The following FCN1 variants were observed in gnomAD, a reference collection of about 807,000 sequenced individuals.
FCN1 encodes ficolin 1.
FCN1 carries 42 observed loss-of-function variants against 35.6 expected under a neutral mutation model. The ratio of observed to expected loss-of-function variants is 1.18; its 90% CI spans 0.92 to 1.53. The LOEUF is 1.53. Ranked by LOEUF, FCN1 falls within the 40% of genes most tolerant of loss-of-function variation. The pLI, the probability that FCN1 is intolerant of heterozygous loss-of-function variation, is 0.00. For missense variants in FCN1, 439 were observed against 428.4 expected (o/e 1.02, Z -0.22); for synonymous variants, 179 against 169.8 (o/e 1.05, Z -0.42).
chr9:134,915,145 G>C (rs1831076474), intron 2 of FCN1, among the ~76,000 whole-genome samples: 1 of 152,298 alleles, frequency 6.6e-6, no homozygotes, highest in Middle Eastern at 3.4e-3. Context: ...CCTAGCAAGG[G>C]ACCAGGTTCT....
intron 5 of FCN1, 136 bp from the exon 6 acceptor site, chr9:134,913,279 G>A (rs916206556): frequency 1.0e-4 from 127 of 1,232,980 alleles, no homozygotes; most frequent in Middle Eastern, 4.1e-4. Flanking sequence ...GGCCTGGACA[G>A]GGACACGGCC....
intron 6 of FCN1, 79 bp from the exon 7 acceptor site, chr9:134,912,694 C>G: frequency 6.3e-7 from 1 of 1,590,636 alleles, no homozygotes; most frequent in Admixed American, 1.7e-5. Context: ...TCCAGAGGAG[C>G]AGCATTTGTA....
intron 4 of FCN1, 35 bp downstream of exon 4, chr9:134,914,350 G>T: frequency 6.2e-7 from 1 of 1,604,692 alleles, no homozygotes; most frequent in Non-Finnish European, 8.5e-7. Flanking sequence ...GACAAAGCCT[G>T]CAGAGACAAC....
At chr9:134,917,741 G>C in intron 1 of FCN1, 28 bp downstream of exon 1, 2 of 1,506,494 alleles carry the variant, frequency 1.3e-6, no homozygotes, top group Non-Finnish European at 1.8e-6. Context: ...CCAGCTTTTA[G>C]GGACCAGAAA....
intron 2 of FCN1, among the ~76,000 whole-genome samples, chr9:134,915,186 A>G (rs1036261643): frequency 1.3e-4 from 20 of 152,304 alleles, no homozygotes; most frequent in African/African-American, 4.6e-4. Flanking sequence ...AGAGAGCCTC[A>G]TCCTACCACG....
rs1831095137 is a variant in FCN1, at chr9:134,916,560, C to T, written c.104-99G>A. The T allele has an allele frequency of 7.5e-6, 9 of 1,205,032 alleles. No homozygotes were observed. The South Asian group carries it at 1.1e-4, about 15-fold the overall frequency. The allele number at this position is 1,205,032 out of a possible 1,614,324, so 74.6% of individuals were successfully genotyped here. The stretch of plus-strand genomic sequence containing the variant: ...GGGGCCTTGGTCTGTCCTCACCCCT[C>T]AGGCACTGGTGAGGCGGAGATGTGA... On this transcript the variant is annotated intron_variant, in intron 1 of 8. Coordinates refer to ENST00000371806, the MANE Select transcript of FCN1 (RefSeq NM_002003.5).
At position 134,914,755 on chromosome 9, in the gene FCN1, C is replaced by T; in HGVS notation, c.271+1G>A. On this transcript the variant is annotated splice_donor_variant, in intron 3 of 8. Transcript: ENST00000371806. LOFTEE classifies it high-confidence loss of function. ...CTCCTCGCTGTCTGTCCCCTGGTTACCTTTGGGCCCCACTGGTCCTGCCTT... is the reference window on the plus strand; with the variant it reads ...CTCCTCGCTGTCTGTCCCCTGGTTATCTTTGGGCCCCACTGGTCCTGCCTT... The T allele has an allele frequency of 1.9e-6, 3 of 1,610,962 alleles. No homozygotes were observed. Among genetic ancestry groups the T allele is most frequent in the Non-Finnish European group, 2.5e-6 (3 of 1,178,012 alleles).
At chr9:134,910,220 C>T (rs144001463) in intron 8 of FCN1, among the ~76,000 whole-genome samples, 175 bp from the exon 9 acceptor site, 157 of 152,272 alleles carry the variant, frequency 1.0e-3, no homozygotes, top group African/African-American at 3.6e-3. Flanking sequence ...AGGAGGCAAC[C>T]TCTGGCAACC....
chr9:134,913,983 G>A (rs1284000585), intron 4 of FCN1, among the ~76,000 whole-genome samples: 1 of 152,184 alleles, frequency 6.6e-6, no homozygotes, highest in African/African-American at 2.4e-5. Flanking sequence ...CTGTTTCTTG[G>A]GACTCAGGTA....
At position 134,907,133 on chromosome 9, in the gene FCN1, A is replaced by G. The variant is rs190485818; in HGVS notation, c.*2665T>C. 5.5e-4 allele frequency: 84 copies of G among 152,254 alleles called. No homozygotes were observed. Among genetic ancestry groups the G allele is most frequent in the Middle Eastern group, 3.4e-3 (1 of 292 alleles). The allele number at this position is 152,254 out of a possible 1,614,324, so 9.4% of individuals were successfully genotyped here. A position where few individuals can be genotyped will look rare whatever the true frequency, so the allele number is the denominator to read the frequency against. ...TTATATTTATATTAATCATATTTAT[A>G]TTTTATATTTATACTAATCATTTCT... On this transcript the variant is annotated 3_prime_UTR_variant, in exon 9 of 9. Transcript: ENST00000371806.
In FCN1 at chr9:134,905,459, G is replaced by C. The variant is rs1012539806; in HGVS notation, c.*4339C>G. Among the ~76,000 whole-genome samples, 9 of 152,186 alleles carry C rather than the reference G, an allele frequency of 5.9e-5. No homozygotes were observed. The highest frequency in any genetic ancestry group is 2.2e-4 in the African/African-American group (9 of 41,460). ...TGGGGAGGAATTGGTGATGGGAAAA[G>C]ACTCTTCATCTCTTCATAAGCTTGC... On this transcript the variant is annotated 3_prime_UTR_variant, in exon 9 of 9. Transcript: ENST00000371806.
rs545551854 is a variant in FCN1 at position 134,916,446 on chromosome 9, C to T, written c.119G>A (p.Gly40Asp). The change falls in exon 2 of 9, where the codon GGC (glycine) becomes GAC (aspartate). Residue 40 changes from glycine to aspartate, a missense_variant. Coordinates refer to ENST00000371806, the MANE Select transcript of FCN1 (RefSeq NM_002003.5). ...GGTGAGCTTGTCAGAGCCCTCCAGG[C>T]CCACCACCTTCACCTCTGCAGAGAA... The part of the protein sequence containing the change: ...ADTCPEVKVV[G>D]LEGSDKLTIL... The T allele has an allele frequency of 1.9e-5, 30 of 1,614,126 alleles. No individual in the cohort carries two copies. In the South Asian group the frequency reaches 3.1e-4, roughly 17 times the overall value.
chr9:134,912,678 C>T, intron 6 of FCN1, 63 bp from the exon 7 acceptor site: 1 of 1,608,924 alleles, frequency 6.2e-7, no homozygotes. Flanking sequence ...CACCGGGGAC[C>T]CGCCCTCCAG....
chr9:134,907,272 AG>A lies in FCN1; in HGVS notation c.*2525del, dbSNP rs1355202296. 6.6e-6 allele frequency: 1 copy of A among 152,244 alleles called. No individual in the cohort carries two copies. Among genetic ancestry groups the A allele is most frequent in the Admixed American group, 6.5e-5 (1 of 15,286 alleles). 9.4% of individuals were successfully genotyped at this position (152,244 alleles called of 1,614,324 possible). On this transcript the variant is annotated 3_prime_UTR_variant, in exon 9 of 9. Coordinates refer to ENST00000371806, the MANE Select transcript of FCN1 (RefSeq NM_002003.5). ...CTAGAGATTGTGGCAGGGGCGTAGT[AG>A]GGTCTGGTCAGCCCCCAATGGGCTA...
At chr9:134,911,554 A>C (rs1330540708) in intron 7 of FCN1, among the ~76,000 whole-genome samples, 6 of 149,086 alleles carry the variant, frequency 4.0e-5, no homozygotes, top group Non-Finnish European at 8.9e-5. Flanking sequence ...GGGTTTCACC[A>C]TGTTGGTCAG....
At chr9:134,910,151 G>C (rs1399125362) in intron 8 of FCN1, 106 bp from the exon 9 acceptor site, 5 of 1,073,728 alleles carry the variant, frequency 4.7e-6, no homozygotes, top group Non-Finnish European at 7.1e-6. Context: ...CTTTAGCGAC[G>C]CATGAGCCGA....
In FCN1 at chr9:134,912,511, G is replaced by T. The variant is rs781566954; in HGVS notation, c.573C>A (p.Asp191Glu). The change falls in exon 7 of 9, where the codon GAC (aspartate) becomes GAA (glutamate). Residue 191 changes from aspartate (D) to glutamate (E), a missense_variant. Asp to Glu is a conservative substitution (Grantham distance 45). Coordinates refer to ENST00000371806, the MANE Select transcript of FCN1 (RefSeq NM_002003.5). ...SQLGEFWLGNDNIHALTAQGS... is the reference protein window; with the variant it reads ...SQLGEFWLGNENIHALTAQGS... Reference sequence around the variant, plus strand: ...CCTGGGCAGTCAGGGCGTGGATGTTGTCATTCCCCAGCCAGAACTCCCCCA... The same window carrying T: ...CCTGGGCAGTCAGGGCGTGGATGTTTTCATTCCCCAGCCAGAACTCCCCCA... 6 of 1,613,932 alleles carry T rather than the reference G, an allele frequency of 3.7e-6. No individual in the cohort carries two copies. The highest frequency in any genetic ancestry group is 1.7e-5 in the Admixed American group (1 of 59,998).
intron 7 of FCN1, 56 bp from the exon 8 acceptor site, chr9:134,911,323 T>C: frequency 6.5e-7 from 1 of 1,549,762 alleles, no homozygotes; most frequent in African/African-American, 1.4e-5. Context: ...TCACCAGGCA[T>C]GAGGGCTGGG....
Position 134,916,359 on chromosome 9 carries a change from A to G in FCN1, c.206T>C (p.Ile69Thr), listed in dbSNP as rs1564221117. Residue 69 changes from isoleucine to threonine, a missense_variant, in exon 2 of 9, where the codon ATT becomes ACT. Physicochemically the swap from Ile to Thr is moderately conservative, Grantham distance 89. Coordinates refer to ENST00000371806, the MANE Select transcript of FCN1 (RefSeq NM_002003.5). ...APGPKGEAGV[I>T]GERGERGLPG... ...CGGCCCGCACCTACCTCTCTCTCCA[A>G]TGACACCTGCCTCTCCCTTTGGCCC... The G allele has an allele frequency of 3.7e-6, 6 of 1,613,544 alleles. No individual in the cohort carries two copies. The highest frequency in any genetic ancestry group is 3.3e-5 in the South Asian group (3 of 91,084).
Sources: gnomAD v4.1 joint callset for allele counts (sites outside exome capture counted in the v4.1 genomes callset) on GRCh38, gnomAD v4.1.1 for gene constraint, MANE v1.5 for transcripts, NCBI Gene and HGNC (gene_info 2026-07-23, HGNC 2026-07-21) for gene names.